Variants in ZBP1 observed in about 807,000 individuals in gnomAD.
ZBP1 encodes Z-DNA-binding protein 1.
A neutral mutation model predicts 41.1 loss-of-function variants in ZBP1; 42 were observed. The ratio of observed to expected loss-of-function variants is 1.02; its 90% CI spans 0.80 to 1.32. The LOEUF (loss-of-function observed/expected upper bound fraction) is 1.32, where lower values mean the gene tolerates loss of function less well. Ranked by LOEUF, ZBP1 falls within the 40% of genes most tolerant of loss-of-function variation. The pLI, the probability that ZBP1 is intolerant of heterozygous loss-of-function variation, is 0.00. For missense variants in ZBP1, 562 were observed against 549.7 expected, an observed-to-expected ratio of 1.02 and a Z score of -0.22; for synonymous variants, 214 against 205.2, an observed-to-expected ratio of 1.04 and a Z score of -0.37.
intron 1 of ZBP1, chr20:57,616,728 C>T: frequency 1.9e-6 from 1 of 513,100 alleles, no homozygotes; most frequent in Non-Finnish European, 3.5e-6. Context: ...TCGCCTGTGC[C>T]CTCCCCGGGT....
Position 57,616,484 on chromosome 20 carries a change from G to A in ZBP1, c.35-16C>T. 1 of 1,612,158 alleles carries A rather than the reference G, an allele frequency of 6.2e-7. No individual in the cohort carries two copies. The highest frequency in any genetic ancestry group is 8.5e-7 in the Non-Finnish European group (1 of 1,179,662). Reference sequence around the variant, plus strand: ...TCAAGGTGGCCTGGGGGAGCGAGCGGGGGACAGAGAGGGGAACTGAGTCTC... The same window carrying A: ...TCAAGGTGGCCTGGGGGAGCGAGCGAGGGACAGAGAGGGGAACTGAGTCTC... On this transcript the variant is annotated splice_polypyrimidine_tract_variant and intron_variant, in intron 1 of 7. Transcript: ENST00000371173.
At chr20:57,614,231 C>T (rs911491821) in intron 4 of ZBP1, among the ~76,000 whole-genome samples, 4 of 151,990 alleles carry the variant, frequency 2.6e-5, no homozygotes, top group South Asian at 2.1e-4. Flanking sequence ...GACGGGGTTT[C>T]GCCATGTTGG....
At chr20:57,607,230 A>T in intron 7 of ZBP1, 2 of 1,303,890 alleles carry the variant, frequency 1.5e-6, no homozygotes, top group South Asian at 2.5e-5. Flanking sequence ...CATTCACAGG[A>T]GTCTGGAAGA....
chr20:57,604,774 G>A lies in ZBP1; in HGVS notation c.1094-5C>T. On this transcript the variant is annotated splice_region_variant and splice_polypyrimidine_tract_variant and intron_variant, in intron 7 of 7. Coordinates refer to ENST00000371173, the MANE Select transcript of ZBP1 (RefSeq NM_030776.3). ...GTGTGTCTGCGGGACGACGACCTAG[G>A]GAAGAGAAGATGGGGGATCAGCTTC... The A allele has an allele frequency of 6.2e-7, 1 of 1,611,380 alleles. No homozygotes were observed. Among genetic ancestry groups the A allele is most frequent in the Non-Finnish European group, 8.5e-7 (1 of 1,178,032 alleles).
chr20:57,604,722 T>A lies in ZBP1; in HGVS notation c.1141A>T (p.Ile381Phe). 6.2e-7 allele frequency: 1 copy of A among 1,614,104 alleles called. No individual in the cohort carries two copies. The highest frequency in any genetic ancestry group is 8.5e-7 in the Non-Finnish European group (1 of 1,180,002). Residue 381 changes from isoleucine (I) to phenylalanine (F), a missense_variant, in exon 8 of 8, where the codon ATT becomes TTT. Ile to Phe is a conservative substitution (Grantham distance 21). Transcript: ENST00000371173. ...TQSRSHFPRD[I>F]GQPITPSHSK... The stretch of plus-strand genomic sequence containing the variant: ...TGGCTGGGAGTGATGGGCTGACCAA[T>A]GTCTCGAGGAAAGTGACTTCTGGAT...
rs1427799728 is a variant in ZBP1, at chr20:57,616,430, C to T, written c.73G>A (p.Ala25Thr). 6.2e-7 allele frequency: 1 copy of T among 1,613,970 alleles called. No homozygotes were observed. The highest frequency in any genetic ancestry group is 8.5e-7 in the Non-Finnish European group (1 of 1,179,998). ...TGGGCAAGTTTCACCGGGGAGCCAG[C>T]CTCTGTCAGCACCTGCAGGATTCTT... ...EQRILQVLTEAGSPVKLAQLV... is the reference protein window; with the variant it reads ...EQRILQVLTETGSPVKLAQLV... Residue 25 changes from alanine to threonine, a missense_variant, in exon 2 of 8, where the codon GCT becomes ACT. Transcript: ENST00000371173.
chr20:57,610,117 C>T lies in ZBP1; in HGVS notation c.1093+32G>A, dbSNP rs1183148475. 1 of 1,585,406 alleles carries T rather than the reference C, an allele frequency of 6.3e-7. No individual in the cohort carries two copies. Among genetic ancestry groups the T allele is most frequent in the African/African-American group, 1.3e-5 (1 of 74,344 alleles). On this transcript the variant is annotated intron_variant, in intron 7 of 7. Coordinates refer to ENST00000371173, the MANE Select transcript of ZBP1 (RefSeq NM_030776.3). This position sits in a 1 kb window ranked among gnomAD's most constrained non-coding sequence, Gnocchi z 5.5. ...GTGGAAGGTGGGGAGAGAGAGAGAA[C>T]ACACAGGGGTCCACTCTGCCCCCTA...
intron 1 of ZBP1, among the ~76,000 whole-genome samples, chr20:57,618,743 G>T (rs549499108): frequency 6.6e-6 from 1 of 152,108 alleles, no homozygotes; most frequent in Non-Finnish European, 1.5e-5. Flanking sequence ...CACTACACCC[G>T]GCTGATTTTT....
Position 57,604,204 on chromosome 20 carries a change from A to T in ZBP1, c.*369T>A. 1 of 373,868 alleles carries T rather than the reference A, an allele frequency of 2.7e-6. No homozygotes were observed. Among genetic ancestry groups the T allele is most frequent in the Non-Finnish European group, 5.2e-6 (1 of 192,278 alleles). 23.2% of individuals were successfully genotyped at this position (373,868 alleles called of 1,614,324 possible). ...ATGTTTTGATATGAATTTTGTTGGGACTCAAACATTCAAACCACAGCAGGT... is the reference window on the plus strand; with the variant it reads ...ATGTTTTGATATGAATTTTGTTGGGTCTCAAACATTCAAACCACAGCAGGT... On this transcript the variant is annotated 3_prime_UTR_variant, in exon 8 of 8. Coordinates refer to ENST00000371173, the MANE Select transcript of ZBP1 (RefSeq NM_030776.3).
At chr20:57,605,878 G>A (rs1177335101) in intron 7 of ZBP1, among the ~76,000 whole-genome samples, 1 of 152,160 alleles carries the variant, frequency 6.6e-6, no homozygotes, top group Non-Finnish European at 1.5e-5. Flanking sequence ...AGGTTGCAGT[G>A]AGCCAAGATT....
chr20:57,611,990 C>G, intron 5 of ZBP1, 60 bp from the exon 6 acceptor site: 1 of 1,503,098 alleles, frequency 6.7e-7, no homozygotes, highest in Admixed American at 2.0e-5. Flanking sequence ...TCCTTTCCCT[C>G]ACCACCACAC....
intron 7 of ZBP1, among the ~76,000 whole-genome samples, chr20:57,608,913 C>G (rs1313894262): frequency 6.6e-6 from 1 of 152,250 alleles, no homozygotes; most frequent in Non-Finnish European, 1.5e-5. Flanking sequence ...ATTGGTGGGA[C>G]TGGGTGTGAT....
At position 57,613,607 on chromosome 20, in the gene ZBP1, C is replaced by T. The variant is rs1057458093; in HGVS notation, c.503-277G>A. On this transcript the variant is annotated intron_variant, in intron 4 of 7. Transcript: ENST00000371173. This position sits in a 1 kb window ranked among gnomAD's most constrained non-coding sequence, Gnocchi z 4.5. The stretch of plus-strand genomic sequence containing the variant: ...CGCCATGATTGCTGGCTGGGAGGAC[C>T]GCAGGGGCCCCACACTGCTCTCCCT... Among the ~76,000 whole-genome samples the T allele has an allele frequency of 1.1e-4, 17 of 152,156 alleles. No homozygotes were observed. Among genetic ancestry groups the T allele is most frequent in the South Asian group, 2.1e-4 (1 of 4,828 alleles).
At position 57,604,480 on chromosome 20, in the gene ZBP1, A is replaced by G; in HGVS notation, c.*93T>C. 6.7e-7 allele frequency: 1 copy of G among 1,502,070 alleles called. No individual in the cohort carries two copies. The highest frequency in any genetic ancestry group is 9.2e-7 in the Non-Finnish European group (1 of 1,081,400). 93.0% of individuals were successfully genotyped at this position (1,502,070 alleles called of 1,614,324 possible). ...TTATGTCTGGAAGCAAGCAGGTCAA[A>G]CAAGACGCTAAGGAATGCAGAGAGC... On this transcript the variant is annotated 3_prime_UTR_variant, in exon 8 of 8. Coordinates refer to ENST00000371173, the MANE Select transcript of ZBP1 (RefSeq NM_030776.3).
At position 57,604,189 on chromosome 20, in the gene ZBP1, A is replaced by G. The variant is rs1321131845; in HGVS notation, c.*384T>C. 4 of 359,998 alleles carry G rather than the reference A, an allele frequency of 1.1e-5. No homozygotes were observed. The highest frequency in any genetic ancestry group is 2.2e-5 in the Non-Finnish European group (4 of 183,862). The allele number at this position is 359,998 out of a possible 1,614,324, so 22.3% of individuals were successfully genotyped here. A position where few individuals can be genotyped will look rare whatever the true frequency, so the allele number is the denominator to read the frequency against. ...CACCCAGTTGGGATTATGTTTTGATATGAATTTTGTTGGGACTCAAACATT... is the reference window on the plus strand; with the variant it reads ...CACCCAGTTGGGATTATGTTTTGATGTGAATTTTGTTGGGACTCAAACATT... On this transcript the variant is annotated 3_prime_UTR_variant, in exon 8 of 8. Transcript: ENST00000371173.
rs746387136 is a variant in ZBP1, at chr20:57,610,379, A to T, written c.875-12T>A. On this transcript the variant is annotated splice_polypyrimidine_tract_variant and intron_variant, in intron 6 of 7. Coordinates refer to ENST00000371173, the MANE Select transcript of ZBP1 (RefSeq NM_030776.3). This position sits in a 1 kb window ranked among gnomAD's most constrained non-coding sequence, Gnocchi z 5.5. ...AGCAGTGGCAGAGACTGTGGGTCAA[A>T]GGGAGAGAGGCCTGGAGCCAGGAGC... is the stretch of plus-strand genomic sequence containing the variant. 2.5e-6 allele frequency: 4 copies of T among 1,613,774 alleles called. No individual in the cohort carries two copies. In the South Asian group the frequency reaches 4.4e-5, roughly 18 times the overall value.
chr20:57,610,145 T>C lies in ZBP1; in HGVS notation c.1093+4A>G, dbSNP rs2070615678. Reference sequence around the variant, plus strand: ...ACAGGGGTCCACTCTGCCCCCTAGCTCACCTGCGTCCTCCCCTGGCTCCCC... The same window carrying C: ...ACAGGGGTCCACTCTGCCCCCTAGCCCACCTGCGTCCTCCCCTGGCTCCCC... On this transcript the variant is annotated splice_donor_region_variant and intron_variant, in intron 7 of 7. Transcript: ENST00000371173. The surrounding 1 kb of genome is among the most constrained non-coding windows in gnomAD (Gnocchi z 5.5). The C allele has an allele frequency of 3.7e-6, 6 of 1,613,060 alleles. No homozygotes were observed. Among genetic ancestry groups the C allele is most frequent in the Non-Finnish European group, 5.1e-6 (6 of 1,179,686 alleles).
intron 3 of ZBP1, 139 bp from the exon 4 acceptor site, chr20:57,615,199 G>T (rs1014238893): frequency 1.0e-4 from 100 of 961,478 alleles, no homozygotes; most frequent in Non-Finnish European, 1.5e-4. Flanking sequence ...CATGATAACG[G>T]GGTCATCATG....
intron 1 of ZBP1, among the ~76,000 whole-genome samples, chr20:57,619,199 T>C (rs959949825): frequency 6.6e-6 from 1 of 152,148 alleles, no homozygotes; most frequent in Non-Finnish European, 1.5e-5. Flanking sequence ...TCAGCCCGGC[T>C]CCTGGGCCAC....
Sources: allele counts gnomAD v4.1 joint callset (sites outside exome capture counted in the v4.1 genomes callset), GRCh38; gene constraint gnomAD v4.1.1; non-coding constraint Gnocchi (gnomAD v3.1); transcripts MANE v1.5; gene names NCBI Gene and HGNC (gene_info 2026-07-23, HGNC 2026-07-21).